The following EVI2B variants were observed in gnomAD, a reference collection of about 807,000 sequenced individuals.
EVI2B encodes ecotropic viral integration site 2B.
A neutral mutation model predicts 6.6 loss-of-function variants in EVI2B; 4 were observed. The observed-to-expected ratio is 0.61, with a 90% CI of 0.30 to 1.39. The LOEUF is 1.39. Ranked by LOEUF, EVI2B falls within the 40% of genes most tolerant of loss-of-function variation. EVI2B has a pLI of 0.08. For missense variants in EVI2B, 484 were observed against 516.6 expected (o/e 0.94, Z 0.61); for synonymous variants, 181 against 186.8 (o/e 0.97, Z 0.25).
intron 1 of EVI2B, 33 bp from the exon 2 acceptor site, chr17:31,305,663 G>A: frequency 6.5e-7 from 1 of 1,541,442 alleles, no homozygotes; most frequent in Non-Finnish European, 8.7e-7. Flanking sequence ...GAGAAAGACA[G>A]TTAGGCGTCA....
rs1171825825 is a variant in EVI2B at position 31,304,850 on chromosome 17, T to C, written c.760A>G (p.Met254Val). The change falls in exon 2 of 2, where the codon ATG becomes GTG. Residue 254 changes from methionine (M) to valine (V), a missense_variant. Physicochemically the swap from Met to Val is conservative, Grantham distance 21. Transcript: ENST00000330927. ...FADGETPDIC[M>V]DNIRENEIST... ...ATTTCATTTTCTCTGATGTTATCCATACAAATGTCAGGGGTTTCTCCATCA... is the reference window on the plus strand; with the variant it reads ...ATTTCATTTTCTCTGATGTTATCCACACAAATGTCAGGGGTTTCTCCATCA... 1.2e-6 allele frequency: 2 copies of C among 1,614,090 alleles called. No individual in the cohort carries two copies. Among genetic ancestry groups the C allele is most frequent in the Admixed American group, 1.7e-5 (1 of 60,022 alleles).
chr17:31,304,639 G>A lies in EVI2B; in HGVS notation c.971C>T (p.Ser324Leu), dbSNP rs1375552071. 6.2e-7 allele frequency: 1 copy of A among 1,614,146 alleles called. No homozygotes were observed. Among genetic ancestry groups the A allele is most frequent in the Admixed American group, 1.7e-5 (1 of 60,018 alleles). ...NGTSEDSADGSTVGTAVSSSD... is the reference protein window; with the variant it reads ...NGTSEDSADGLTVGTAVSSSD... ...AGAAGAAACAGCAGTTCCAACTGTT[G>A]AACCATCAGCACTATCTTCTGATGT... Residue 324 changes from serine (S) to leucine (L), a missense_variant, in exon 2 of 2, where the codon TCA (serine) becomes TTA (leucine). Ser to Leu is a moderately radical substitution (Grantham distance 145). Transcript: ENST00000330927.
rs1215938333 is a variant in EVI2B, at chr17:31,304,506, A to G, written c.1104T>C (p.Asn368=). Residue 368 remains asparagine (N), a synonymous_variant, in exon 2 of 2, where the codon AAT becomes AAC. Coordinates refer to ENST00000330927, the MANE Select transcript of EVI2B (RefSeq NM_006495.4). The stretch of plus-strand genomic sequence containing the variant: ...GAGATGGAGGGAGACTAGTAGAATC[A>G]TTTGGAAGAGGAGATACAATTGTCA... ...PTMTIVSPLP[N]DSTSLPPSLD... is the part of the protein sequence containing the mutation. 39 of 1,614,082 alleles carry G rather than the reference A, an allele frequency of 2.4e-5. No individual in the cohort carries two copies. Among genetic ancestry groups the G allele is most frequent in the Non-Finnish European group, 3.1e-5 (37 of 1,180,028 alleles).
At chr17:31,305,709 A>C (rs561229698) in intron 1 of EVI2B, 79 bp from the exon 2 acceptor site, 2 of 1,216,476 alleles carry the variant, frequency 1.6e-6, no homozygotes, top group East Asian at 4.9e-5. Context: ...TTTCATTATG[A>C]TTCCTGGCAT....
rs114805487 is a variant in EVI2B at position 31,310,988 on chromosome 17, C to T, written c.-22+2991G>A. Among the ~76,000 whole-genome samples the T allele has an allele frequency of 8.8e-3, 1,327 of 150,178 alleles. 19 individuals are homozygous for T. Among genetic ancestry groups the T allele is most frequent in the African/African-American group, 0.031 (1,270 of 40,668 alleles). On this transcript the variant is annotated intron_variant, in intron 1 of 1. Transcript: ENST00000330927. ...TGGAGACAGGGTCTCACTCTGTCAC[C>T]CGGGTTGCAGTGCAGTGGTGCAATC...
In EVI2B at chr17:31,305,374, C is replaced by T; in HGVS notation, c.236G>A (p.Gly79Glu). Reference protein sequence around the residue: ...QSISPAKVTAGQPTPAVYTSS... With the variant: ...QSISPAKVTAEQPTPAVYTSS... The stretch of plus-strand genomic sequence containing the variant: ...GGTATAGACAGCTGGTGTTGGTTGT[C>T]CAGCAGTGACTTTGGCAGGTGATAT... Residue 79 changes from glycine to glutamate, a missense_variant, in exon 2 of 2, where the codon GGA becomes GAA. Coordinates refer to ENST00000330927, the MANE Select transcript of EVI2B (RefSeq NM_006495.4). 1 of 1,614,084 alleles carries T rather than the reference C, an allele frequency of 6.2e-7. No homozygotes were observed.
Position 31,304,849 on chromosome 17 carries a change from A to T in EVI2B, c.761T>A (p.Met254Lys). The T allele has an allele frequency of 6.2e-7, 1 of 1,614,102 alleles. No individual in the cohort carries two copies. The highest frequency in any genetic ancestry group is 8.5e-7 in the Non-Finnish European group (1 of 1,180,026). The change falls in exon 2 of 2, where the codon ATG (methionine) becomes AAG (lysine). Residue 254 changes from methionine (M) to lysine (K), a missense_variant. Transcript: ENST00000330927. ...TATTTCATTTTCTCTGATGTTATCC[A>T]TACAAATGTCAGGGGTTTCTCCATC... ...FADGETPDIC[M>K]DNIRENEIST...
chr17:31,311,386 C>T (rs964314349), intron 1 of EVI2B, among the ~76,000 whole-genome samples: 3 of 152,092 alleles, frequency 2.0e-5, no homozygotes, highest in Non-Finnish European at 4.4e-5. Context: ...AGAGCATATC[C>T]TAGACAAAAG....
At position 31,309,312 on chromosome 17, in the gene EVI2B, G is replaced by C. The variant is rs150111132; in HGVS notation, c.-21-3682C>G. ...TTGATTCCTTTCCATTTTAGTTTTT[G>C]CTTTTTACTAGTACTTCTACCAGAA... On this transcript the variant is annotated intron_variant, in intron 1 of 1. Coordinates refer to ENST00000330927, the MANE Select transcript of EVI2B (RefSeq NM_006495.4). 6.7e-3 allele frequency among the ~76,000 whole-genome samples: 1,016 copies of C among 152,166 alleles called. 17 individuals carry two copies. The highest frequency in any genetic ancestry group is 0.023 in the African/African-American group (952 of 41,526).
intron 1 of EVI2B, 109 bp downstream of exon 1, chr17:31,313,870 A>G (rs1050085511): frequency 2.3e-5 from 9 of 392,334 alleles, no homozygotes; most frequent in Admixed American, 4.4e-5. Context: ...AAAACCTGTT[A>G]TAGACATCTT....
At chr17:31,308,635 C>T (rs920516354) in intron 1 of EVI2B, among the ~76,000 whole-genome samples, 133 of 150,672 alleles carry the variant, frequency 8.8e-4, no homozygotes, top group Middle Eastern at 3.4e-3. Flanking sequence ...CAAGGGTGTT[C>T]TTTTTTTTTT....
At chr17:31,313,403 G>T (rs2068933186) in intron 1 of EVI2B, among the ~76,000 whole-genome samples, 1 of 151,948 alleles carries the variant, frequency 6.6e-6, no homozygotes, top group South Asian at 2.1e-4. Flanking sequence ...CTAAAACTAA[G>T]GTTAACAAAT....
intron 1 of EVI2B, among the ~76,000 whole-genome samples, chr17:31,309,179 A>T (rs1040423400): frequency 2.6e-5 from 4 of 152,186 alleles, no homozygotes; most frequent in African/African-American, 9.7e-5. Flanking sequence ...CAAAGCATAC[A>T]TTCTTTCTGC....
At chr17:31,308,106 T>C in intron 1 of EVI2B, 1 of 264,180 alleles carries the variant, frequency 3.8e-6, no homozygotes, top group Non-Finnish European at 7.8e-6. Context: ...ACTGCCTTGC[T>C]TGAGGGTTTA....
At chr17:31,307,757 G>A (rs1035433525) in intron 1 of EVI2B, 1 of 516,418 alleles carries the variant, frequency 1.9e-6, no homozygotes, top group African/African-American at 2.0e-5. Context: ...TAACATTAGG[G>A]AATAGAAAAT....
At chr17:31,313,565 G>T (rs188195050) in intron 1 of EVI2B, among the ~76,000 whole-genome samples, 2 of 152,054 alleles carry the variant, frequency 1.3e-5, no homozygotes, top group Admixed American at 1.3e-4. Context: ...AATTAGCCAG[G>T]CGTGGTGGTG....
chr17:31,311,139 C>G (rs2068864576), intron 1 of EVI2B, among the ~76,000 whole-genome samples: 1 of 151,850 alleles, frequency 6.6e-6, no homozygotes, highest in African/African-American at 2.4e-5. Context: ...TTTTTGTAGA[C>G]ATGGGGTTTC....
intron 1 of EVI2B, among the ~76,000 whole-genome samples, chr17:31,310,960 G>A (rs1421995134): frequency 2.5e-5 from 3 of 121,266 alleles, no homozygotes; most frequent in South Asian, 2.5e-4. Context: ...TTTTTTTTCC[G>A]TTTGGAGACA....
At position 31,304,598 on chromosome 17, in the gene EVI2B, G is replaced by A; in HGVS notation, c.1012C>T (p.Leu338=). The change falls in exon 2 of 2, where the codon CTG becomes TTG. Residue 338 remains leucine, a synonymous_variant. Transcript: ENST00000330927. ...TAVSSSDDAD[L]PPPPPLLDLE... ...TCCAGAAGGGGAGGTGGTGGAGGCA[G>A]ATCTGCATCATCTGAAGAAGAAACA... 6.2e-7 allele frequency: 1 copy of A among 1,614,120 alleles called. No homozygotes were observed. Among genetic ancestry groups the A allele is most frequent in the Non-Finnish European group, 8.5e-7 (1 of 1,180,010 alleles).
Sources: gnomAD v4.1 joint callset for allele counts (sites outside exome capture counted in the v4.1 genomes callset) on GRCh38, gnomAD v4.1.1 for gene constraint, MANE v1.5 for transcripts, NCBI Gene and HGNC (gene_info 2026-07-23, HGNC 2026-07-21) for gene names.